BLTP3B: variants seen among roughly 807,000 people sequenced by gnomAD.
BLTP3B encodes the protein UHRF1 (ICBP90) binding protein 1-like.
the BLTP3B span, chr12:100,093,006 A>T: frequency 1.0e-6 from 1 of 977,114 alleles, no homozygotes; most frequent in Non-Finnish European, 1.2e-6. Context: ...CCTTATCCTC[A>T]ACTTACTTAA....
the BLTP3B span, among the ~76,000 whole-genome samples, chr12:100,090,697 A>C: frequency 6.6e-6 from 1 of 152,162 alleles, no homozygotes; most frequent in East Asian, 1.9e-4. Context: ...AGTGAAATAT[A>C]GCTGTAAAAC....
the BLTP3B span, among the ~76,000 whole-genome samples, chr12:100,063,022 C>T: frequency 1.3e-5 from 2 of 151,466 alleles, no homozygotes; most frequent in Admixed American, 6.6e-5. Flanking sequence ...GGAAACTACT[C>T]TTAACTCTGA....
the BLTP3B span, among the ~76,000 whole-genome samples, chr12:100,055,159 T>C: frequency 1.3e-5 from 2 of 152,098 alleles, no homozygotes. Context: ...GACGTGTTTG[T>C]GTCAGATAGA....
the BLTP3B span, chr12:100,084,440 C>A: frequency 3.2e-6 from 5 of 1,566,590 alleles, no homozygotes; most frequent in Non-Finnish European, 4.4e-6. Flanking sequence ...TGCAAACACT[C>A]TTAATATTAG....
chr12:100,081,103 G>A, the BLTP3B span, among the ~76,000 whole-genome samples: 7 of 152,042 alleles, frequency 4.6e-5, no homozygotes, highest in East Asian at 3.9e-4. Context: ...CTTGCCTTCC[G>A]CCATGATTGT....
the BLTP3B span, among the ~76,000 whole-genome samples, chr12:100,055,136 A>AT: frequency 1.3e-5 from 2 of 151,954 alleles, no homozygotes; most frequent in African/African-American, 4.8e-5. Context: ...TAAAGAGTAA[A>AT]TTTTTTTAAG....
chr12:100,110,044 C>G, the BLTP3B span, among the ~76,000 whole-genome samples: 1 of 151,992 alleles, frequency 6.6e-6, no homozygotes, highest in African/African-American at 2.4e-5. Flanking sequence ...TCCAAACAAC[C>G]CTAAAAAATA....
At chr12:100,082,474 C>T in the BLTP3B span, among the ~76,000 whole-genome samples, 2 of 152,318 alleles carry the variant, frequency 1.3e-5, no homozygotes, top group South Asian at 4.1e-4. Context: ...CGAGGCCAAT[C>T]TCTAGAATTC....
At chr12:100,113,209 C>T in the BLTP3B span, among the ~76,000 whole-genome samples, 1 of 151,916 alleles carries the variant, frequency 6.6e-6, no homozygotes, top group Non-Finnish European at 1.5e-5. Flanking sequence ...GGTGCGGTGG[C>T]TCATGCCTGT....
At chr12:100,071,410 T>C in the BLTP3B span, among the ~76,000 whole-genome samples, 4 of 149,222 alleles carry the variant, frequency 2.7e-5, no homozygotes, top group Non-Finnish European at 4.4e-5. Context: ...GGCACAAGAA[T>C]TGTTTGGGCC....
At chr12:100,055,220 CT>C in the BLTP3B span, among the ~76,000 whole-genome samples, 1 of 152,166 alleles carries the variant, frequency 6.6e-6, no homozygotes, top group African/African-American at 2.4e-5. Context: ...CTAAACTCTA[CT>C]ACTTACTAGC....
chr12:100,048,733 G>A, the BLTP3B span, among the ~76,000 whole-genome samples: 1 of 128,940 alleles, frequency 7.8e-6, no homozygotes, highest in Non-Finnish European at 1.6e-5. Context: ...TAGTAAGGGG[G>A]GGGAGAGAGA....
chr12:100,091,925 C>T, the BLTP3B span, among the ~76,000 whole-genome samples: 3 of 151,998 alleles, frequency 2.0e-5, no homozygotes, highest in African/African-American at 7.2e-5. Context: ...TACCCTGCCT[C>T]AGCCTCCTGA....
chr12:100,134,742 A>C, the BLTP3B span, among the ~76,000 whole-genome samples: 1 of 152,066 alleles, frequency 6.6e-6, no homozygotes, highest in South Asian at 2.1e-4. Context: ...TAGCAATTCC[A>C]CCTTTTCCAT....
chr12:100,086,426 A>G, the BLTP3B span: 1 of 1,100,198 alleles, frequency 9.1e-7, no homozygotes, highest in Non-Finnish European at 1.3e-6. Context: ...TTACCACAGA[A>G]AAATTTTAGC....
chr12:100,071,442 A>G, the BLTP3B span, among the ~76,000 whole-genome samples: 8 of 146,882 alleles, frequency 5.4e-5, no homozygotes, highest in African/African-American at 2.0e-4. Context: ...GGTTCCAGTG[A>G]GCCAAGATCA....
At chr12:100,099,547 G>T in the BLTP3B span, among the ~76,000 whole-genome samples, 1 of 149,474 alleles carries the variant, frequency 6.7e-6, no homozygotes, top group African/African-American at 2.5e-5. Context: ...AGGAGTTCAA[G>T]ACCAGCCTGG....
the BLTP3B span, chr12:100,142,490 C>T: frequency 2.3e-6 from 3 of 1,330,934 alleles, no homozygotes; most frequent in South Asian, 3.8e-5. Flanking sequence ...AAGGTCGCCT[C>T]CCGCACAGCC....
the BLTP3B span, among the ~76,000 whole-genome samples, chr12:100,125,001 CATATATAT>C: frequency 2.6e-5 from 2 of 75,474 alleles, no homozygotes; most frequent in East Asian, 1.0e-3. Flanking sequence ...TATTAAGGTC[CATATATAT>C]ATATATATGG....
Sources: allele counts gnomAD v4.1 joint callset (sites outside exome capture counted in the v4.1 genomes callset), GRCh38; gene constraint gnomAD v4.1.1; transcripts MANE v1.5; gene names NCBI Gene and HGNC (gene_info 2026-07-23, HGNC 2026-07-21).